SYAP1: variants seen among roughly 807,000 people sequenced by gnomAD.
SYAP1 encodes the protein synapse-associated protein 1.
In SYAP1, 3 loss-of-function variants were observed where a neutral mutation model predicts 29.6. The ratio of observed to expected loss-of-function variants is 0.10; its 90% CI spans 0.05 to 0.26. SYAP1 has a LOEUF of 0.26. Among genes scored for constraint, SYAP1 ranks in the 10% least tolerant of loss-of-function variants. The probability of loss-of-function intolerance (pLI) is 1.00; values close to 1 mark genes in which losing one functional copy is unlikely to be tolerated. For missense variants in SYAP1, 217 were observed against 264.1 expected (o/e 0.82, Z 1.24); for synonymous variants, 102 against 102.7 (o/e 0.99, Z 0.04).
chrX:16,757,347 G>T (rs745576824), intron 8 of SYAP1, 38 bp downstream of exon 8: 1 of 1,164,792 alleles, frequency 8.6e-7, no homozygotes, highest in East Asian at 3.0e-5. Context: ...GAAACTATTC[G>T]TCTCCCTAAT....
chrX:16,735,845 G>A (rs760346837), intron 2 of SYAP1, among the ~76,000 whole-genome samples: 155 of 112,264 alleles, frequency 1.4e-3, no homozygotes, highest in African/African-American at 4.9e-3. Context: ...AGCTGGTCTC[G>A]AACTCCTGGC....
chrX:16,749,394 C>T, intron 5 of SYAP1, among the ~76,000 whole-genome samples: 1 of 111,436 alleles, frequency 9.0e-6, no homozygotes, highest in Non-Finnish European at 1.9e-5. Flanking sequence ...TTCTCAGAAC[C>T]TTTAGTCGTC....
chrX:16,738,734 T>C (rs1008252829), intron 3 of SYAP1, among the ~76,000 whole-genome samples: 4 of 111,384 alleles, frequency 3.6e-5, no homozygotes, highest in African/African-American at 9.8e-5. Context: ...GAGAGAGAAG[T>C]AGCAGAAGCC....
intron 3 of SYAP1, among the ~76,000 whole-genome samples, chrX:16,739,472 C>CTG (rs1281355406): frequency 2.2e-5 from 2 of 90,343 alleles, no homozygotes; most frequent in Non-Finnish European, 4.4e-5. Context: ...ATCACTCTCT[C>CTG]TCTCTTTTTT....
At chrX:16,726,787 G>A (rs1462937302) in intron 1 of SYAP1, among the ~76,000 whole-genome samples, 2 of 111,555 alleles carry the variant, frequency 1.8e-5, no homozygotes, top group Non-Finnish European at 3.8e-5. Context: ...GTTCCCGGTA[G>A]CACTCTCTGT....
intron 5 of SYAP1, among the ~76,000 whole-genome samples, chrX:16,750,468 T>A (rs762337154): frequency 1.1e-4 from 12 of 111,538 alleles, no homozygotes; most frequent in Non-Finnish European, 1.5e-4. Context: ...GGCAGACAAC[T>A]TGTCTTATTC....
chrX:16,761,687 A>G lies in SYAP1; in HGVS notation c.*1328A>G, dbSNP rs1569254083. 9.0e-6 allele frequency: 1 copy of G among 111,428 alleles called. No homozygotes were observed. Among genetic ancestry groups the G allele is most frequent in the Non-Finnish European group, 1.9e-5 (1 of 53,162 alleles). The allele number at this position is 111,428 out of a possible 1,213,427, so 9.2% of individuals were successfully genotyped here. A position where few individuals can be genotyped will look rare whatever the true frequency, so the allele number is the denominator to read the frequency against. Reference sequence around the variant, plus strand: ...GAGACTCCGTCTCAAAAATGAATGAATGAATGAATGAATGAATGAACGAAC... The same window carrying G: ...GAGACTCCGTCTCAAAAATGAATGAGTGAATGAATGAATGAATGAACGAAC... On this transcript the variant is annotated 3_prime_UTR_variant, in exon 9 of 9. Coordinates refer to ENST00000380155, the MANE Select transcript of SYAP1 (RefSeq NM_032796.4).
In SYAP1 at chrX:16,754,989, C is replaced by G. The variant is rs769004131; in HGVS notation, c.620C>G (p.Ser207Cys). 2 of 1,211,365 alleles carry G rather than the reference C, an allele frequency of 1.7e-6. No individual in the cohort carries two copies. Among genetic ancestry groups the G allele is most frequent in the Non-Finnish European group, 2.2e-6 (2 of 895,100 alleles). ...TGGAGGAACTACTTTTACCGCGTCTCCCTGATTAAGCAGTCAGCCCAGCTC... is the reference window on the plus strand; with the variant it reads ...TGGAGGAACTACTTTTACCGCGTCTGCCTGATTAAGCAGTCAGCCCAGCTC... ...VFWRNYFYRV[S>C]LIKQSAQLTA... The change falls in exon 6 of 9, where the codon TCC (serine) becomes TGC (cysteine). Residue 207 changes from serine to cysteine, a missense_variant. Physicochemically the swap from Ser to Cys is moderately radical, Grantham distance 112. Coordinates refer to ENST00000380155, the MANE Select transcript of SYAP1 (RefSeq NM_032796.4).
rs1375297387 is a variant in SYAP1 at position 16,748,550 on chromosome X, CT to C, written c.575+4711del. 2.7e-5 allele frequency among the ~76,000 whole-genome samples: 3 copies of C among 111,724 alleles called. No individual in the cohort carries two copies. The Admixed American group carries it at 2.9e-4, about 11-fold the overall frequency. On this transcript the variant is annotated intron_variant, in intron 5 of 8. Transcript: ENST00000380155. ...ATGCTGTGACCGAGATAGGGTCCTG[CT>C]GGTACATCACAAGCACCCTCTGAGG...
intron 7 of SYAP1, 38 bp from the exon 8 acceptor site, chrX:16,757,124 T>C (rs1926859406): frequency 8.3e-7 from 1 of 1,201,499 alleles, no homozygotes; most frequent in Non-Finnish European, 1.1e-6. Flanking sequence ...AAATGTCGCT[T>C]AGCAAACCAT....
Position 16,729,983 on chromosome X carries a change from T to C in SYAP1, c.176-5244T>C, listed in dbSNP as rs182585012. ...AAATCCACATTTTCATGCCTCCTTATAATCTTTTTACCAAAAGCATATTTT... is the reference window on the plus strand; with the variant it reads ...AAATCCACATTTTCATGCCTCCTTACAATCTTTTTACCAAAAGCATATTTT... On this transcript the variant is annotated intron_variant, in intron 1 of 8. Transcript: ENST00000380155. 5.1e-4 allele frequency among the ~76,000 whole-genome samples: 57 copies of C among 112,148 alleles called. 1 individual carries two copies. In the South Asian group the frequency reaches 0.021, roughly 41 times the overall value.
intron 5 of SYAP1, among the ~76,000 whole-genome samples, 185 bp downstream of exon 5, chrX:16,744,025 C>G (rs1926538274): frequency 8.9e-6 from 1 of 111,922 alleles, no homozygotes; most frequent in African/African-American, 3.2e-5. Flanking sequence ...GCAGGAAATA[C>G]AGGGTAGAGG....
intron 8 of SYAP1, among the ~76,000 whole-genome samples, chrX:16,759,731 T>A (rs370520825): frequency 1.5e-4 from 17 of 112,140 alleles, no homozygotes; most frequent in African/African-American, 5.5e-4. Flanking sequence ...CTCTCCTAAG[T>A]CTCCATTTCC....
At position 16,741,777 on chromosome X, in the gene SYAP1, G is replaced by A; in HGVS notation, c.423G>A (p.Leu141=). The change falls in exon 4 of 9, where the codon TTG becomes TTA. Residue 141 remains leucine (L), a synonymous_variant. Transcript: ENST00000380155. ...NDEETIQQQI[L]ALSADKRNFL... ...AAGAAACAATTCAACAACAAATTTT[G>A]GCCTTATCAGCTGTAAGTATCTTGT... 1 of 1,199,606 alleles carries A rather than the reference G, an allele frequency of 8.3e-7. No homozygotes were observed. Among genetic ancestry groups the A allele is most frequent in the Non-Finnish European group, 1.1e-6 (1 of 886,831 alleles).
intron 5 of SYAP1, among the ~76,000 whole-genome samples, chrX:16,744,738 G>A (rs1371267503): frequency 1.8e-5 from 2 of 111,171 alleles, no homozygotes; most frequent in East Asian, 2.8e-4. Context: ...AAGCTGAGGC[G>A]GGAGGATCAT....
Position 16,751,224 on chromosome X carries a change from G to A in SYAP1, c.576-3721G>A, listed in dbSNP as rs763453587. ...TCCCAGCACTTTGGGAGGCCGAGGC[G>A]GGCAGATCACGAGGTCAGGAGATCT... On this transcript the variant is annotated intron_variant, in intron 5 of 8. Transcript: ENST00000380155. Among the ~76,000 whole-genome samples, 543 of 108,603 alleles carry A rather than the reference G, an allele frequency of 5.0e-3. 1 individual carries two copies. The highest frequency in any genetic ancestry group is 0.016 in the African/African-American group (492 of 29,974). 94.3% of individuals were successfully genotyped at this position (108,603 alleles called of 115,157 possible).
intron 3 of SYAP1, among the ~76,000 whole-genome samples, chrX:16,737,005 C>T (rs1274928297): frequency 8.9e-6 from 1 of 112,077 alleles, no homozygotes; most frequent in Non-Finnish European, 1.9e-5. Flanking sequence ...CAATACATTA[C>T]TGCTGACACA....
intron 1 of SYAP1, 37 bp downstream of exon 1, chrX:16,719,936 G>T (rs372901235): frequency 2.4e-5 from 27 of 1,147,962 alleles, no homozygotes; most frequent in Middle Eastern, 5.6e-4. Flanking sequence ...GGAAGGGGGG[G>T]GCGCATTCCT....
chrX:16,742,575 A>G (rs750337694), intron 4 of SYAP1, among the ~76,000 whole-genome samples: 17 of 111,225 alleles, frequency 1.5e-4, no homozygotes, highest in Non-Finnish European at 2.5e-4. Context: ...GGTGTGAGCC[A>G]CCATGCGCTG....
Sources: allele counts gnomAD v4.1 joint callset (sites outside exome capture counted in the v4.1 genomes callset), GRCh38; gene constraint gnomAD v4.1.1; transcripts MANE v1.5; gene names NCBI Gene and HGNC (gene_info 2026-07-23, HGNC 2026-07-21).